Variants in LEFTY1 observed in about 807,000 individuals in gnomAD.
The protein encoded by LEFTY1 is left-right determination factor B.
In LEFTY1, 18 loss-of-function variants were observed where a neutral mutation model predicts 22.6. That is an observed-to-expected ratio of 0.80 (90% CI 0.55 to 1.18). The LOEUF (loss-of-function observed/expected upper bound fraction) is 1.18. Among genes scored for constraint, LEFTY1 ranks in the 50% most tolerant of loss-of-function variants. LEFTY1 has a pLI of 0.00. For missense variants in LEFTY1, 414 were observed against 495.4 expected (o/e 0.84, Z 1.56); for synonymous variants, 201 against 231.5 (o/e 0.87, Z 1.20).
At chr1:225,888,317 C>T (rs1671331067) in intron 1 of LEFTY1, among the ~76,000 whole-genome samples, 1 of 152,146 alleles carries the variant, frequency 6.6e-6, no homozygotes, top group South Asian at 2.1e-4. Context: ...GCTCTGGGCA[C>T]TGAGGAGCTA....
Position 225,886,620 on chromosome 1 carries a change from A to G in LEFTY1, c.*107T>C, listed in dbSNP as rs1001832197. ...GCAAATTCAGGGCTCACTAGAGAGCACAGAGCATTTGTCCATCAGCAGTTC... is the reference window on the plus strand; with the variant it reads ...GCAAATTCAGGGCTCACTAGAGAGCGCAGAGCATTTGTCCATCAGCAGTTC... On this transcript the variant is annotated 3_prime_UTR_variant, in exon 4 of 4. Coordinates refer to ENST00000272134, the MANE Select transcript of LEFTY1 (RefSeq NM_020997.4). 16 of 1,565,404 alleles carry G rather than the reference A, an allele frequency of 1.0e-5. No individual in the cohort carries two copies. The African/African-American group carries it at 2.2e-4, about 21-fold the overall frequency.
In LEFTY1 at chr1:225,888,025, G is replaced by C. The variant is rs763797447; in HGVS notation, c.258C>G (p.Ala86=). ...KRFSQSFREV[A]GRFLALEAST... ...TGGCCTCCAACGCCAGGAACCTGCCGGCCACCTCTGGGGACAAGAGCAGGG... is the reference window on the plus strand; with the variant it reads ...TGGCCTCCAACGCCAGGAACCTGCCCGCCACCTCTGGGGACAAGAGCAGGG... The change falls in exon 2 of 4, where the codon GCC becomes GCG. Residue 86 remains alanine (A), a synonymous_variant. Transcript: ENST00000272134. 6.3e-7 allele frequency: 1 copy of C among 1,591,312 alleles called. No individual in the cohort carries two copies. Among genetic ancestry groups the C allele is most frequent in the Non-Finnish European group, 8.5e-7 (1 of 1,178,534 alleles).
chr1:225,888,615 C>T (rs7514448), intron 1 of LEFTY1, among the ~76,000 whole-genome samples: 17,204 of 152,092 alleles, frequency 0.11, 1,586 homozygotes, highest in African/African-American at 0.25. Context: ...AACAGACCCC[C>T]GGAGTCCTGA....
chr1:225,888,601 C>T (rs966930036), intron 1 of LEFTY1, among the ~76,000 whole-genome samples: 8 of 152,142 alleles, frequency 5.3e-5, no homozygotes, highest in Admixed American at 2.6e-4. Flanking sequence ...AGTGGCAGTA[C>T]GAAAACAGAC....
Position 225,886,481 on chromosome 1 carries a change from A to C in LEFTY1, c.*246T>G. The C allele has an allele frequency of 1.5e-6, 1 of 655,446 alleles. No individual in the cohort carries two copies. The highest frequency in any genetic ancestry group is 2.5e-6 in the Non-Finnish European group (1 of 401,834). 40.6% of individuals were successfully genotyped at this position (655,446 alleles called of 1,614,324 possible). A position where few individuals can be genotyped will look rare whatever the true frequency, so the allele number is the denominator to read the frequency against. On this transcript the variant is annotated 3_prime_UTR_variant, in exon 4 of 4. Coordinates refer to ENST00000272134, the MANE Select transcript of LEFTY1 (RefSeq NM_020997.4). ...ACAGTATCTCCACATGTAAGTGCTT[A>C]GAATATAGTGCAGTGAATAATAAGA...
Position 225,886,574 on chromosome 1 carries a change from T to C in LEFTY1, c.*153A>G. 7.0e-7 allele frequency: 1 copy of C among 1,434,684 alleles called. No individual in the cohort carries two copies. Among genetic ancestry groups the C allele is most frequent in the Non-Finnish European group, 9.2e-7 (1 of 1,084,566 alleles). The allele number at this position is 1,434,684 out of a possible 1,614,324, so 88.9% of individuals were successfully genotyped here. A position where few individuals can be genotyped will look rare whatever the true frequency, so the allele number is the denominator to read the frequency against. On this transcript the variant is annotated 3_prime_UTR_variant, in exon 4 of 4. Coordinates refer to ENST00000272134, the MANE Select transcript of LEFTY1 (RefSeq NM_020997.4). Reference sequence around the variant, plus strand: ...TCATTCCTGAGAAGCAAAAATTAGGTGAGGTAACTTGTCAGAGGAAGCAAA... The same window carrying C: ...TCATTCCTGAGAAGCAAAAATTAGGCGAGGTAACTTGTCAGAGGAAGCAAA...
In LEFTY1 at chr1:225,887,587, G is replaced by C; in HGVS notation, c.549C>G (p.Ala183=). The C allele has an allele frequency of 1.9e-6, 3 of 1,611,554 alleles. No individual in the cohort carries two copies. Among genetic ancestry groups the C allele is most frequent in the Non-Finnish European group, 1.7e-6 (2 of 1,179,588 alleles). ...SGWKAFDVTE[A]VNFWQQLSRP... ...GGCTCAGCTGCTGCCAGAAGTTCAC[G>C]GCCTCGGTCACGTCGAAGGCCTTCC... Residue 183 remains alanine (A), a synonymous_variant, in exon 3 of 4, where the codon GCC becomes GCG. Coordinates refer to ENST00000272134, the MANE Select transcript of LEFTY1 (RefSeq NM_020997.4).
rs781547196 is a variant in LEFTY1 at position 225,886,917 on chromosome 1, A to C, written c.911T>G (p.Leu304Arg). 5.6e-6 allele frequency: 9 copies of C among 1,613,928 alleles called. No homozygotes were observed. The South Asian group carries it at 8.8e-5, about 16-fold the overall frequency. ...VGTCRQPPEA[L>R]AFKWPFLGPR... Reference sequence around the variant, plus strand: ...CCCCAGAAACGGCCACTTGAAGGCCAGGGCCTCCGGGGGCTGCCGGCAGGT... The same window carrying C: ...CCCCAGAAACGGCCACTTGAAGGCCCGGGCCTCCGGGGGCTGCCGGCAGGT... Residue 304 changes from leucine to arginine, a missense_variant, in exon 4 of 4, where the codon CTG becomes CGG. Transcript: ENST00000272134.
chr1:225,888,834 A>T lies in LEFTY1; in HGVS notation c.233T>A (p.Phe78Tyr). 2 of 1,613,256 alleles carry T rather than the reference A, an allele frequency of 1.2e-6. No homozygotes were observed. The highest frequency in any genetic ancestry group is 2.2e-5 in the South Asian group (2 of 91,066). The change falls in exon 1 of 4, where the codon TTC becomes TAC. Residue 78 changes from phenylalanine (F) to tyrosine (Y), a missense_variant. By Grantham distance (22) the Phe-to-Tyr change is conservative. Around this residue, in one of 2 missense-constraint regions of LEFTY1, gnomAD observed 398 missense variants for 454.7 expected, o/e 0.88. Transcript: ENST00000272134. Reference protein sequence around the residue: ...SHGDRSRGKRFSQSFREVAGR... With the variant: ...SHGDRSRGKRYSQSFREVAGR... The stretch of plus-strand genomic sequence containing the variant: ...GGCCTCACCTCGGAAGCTCTGGCTG[A>T]ACCTCTTTCCGCGGGAGCGGTCCCC...
intron 1 of LEFTY1, 40 bp downstream of exon 1, chr1:225,888,777 G>GC: frequency 6.2e-7 from 1 of 1,611,676 alleles, no homozygotes; most frequent in Middle Eastern, 1.8e-4. Context: ...CATCTGACCT[G>GC]CCCCATGGGA....
intron 1 of LEFTY1, 148 bp from the exon 2 acceptor site, chr1:225,888,180 C>T: frequency 7.9e-7 from 1 of 1,267,490 alleles, no homozygotes; most frequent in Non-Finnish European, 1.1e-6. Flanking sequence ...TTCCTTGGAT[C>T]TGGGCCTTGT....
chr1:225,887,534 A>G lies in LEFTY1; in HGVS notation c.602T>C (p.Val201Ala), dbSNP rs755172673. ...GCCCAGATGCTCCCTCTGCACCGACACCTGTAGCAGCAGCGGCTGCCGGGG... is the reference window on the plus strand; with the variant it reads ...GCCCAGATGCTCCCTCTGCACCGACGCCTGTAGCAGCAGCGGCTGCCGGGG... ...SRPRQPLLLQ[V>A]SVQREHLGPL... The change falls in exon 3 of 4, where the codon GTG becomes GCG. Residue 201 changes from valine (V) to alanine (A), a missense_variant. Val to Ala is a moderately conservative substitution (Grantham distance 64). Transcript: ENST00000272134. 2 of 1,611,574 alleles carry G rather than the reference A, an allele frequency of 1.2e-6. No homozygotes were observed. The highest frequency in any genetic ancestry group is 1.7e-6 in the Non-Finnish European group (2 of 1,179,478).
chr1:225,887,435 T>C lies in LEFTY1; in HGVS notation c.701A>G (p.Gln234Arg). ...AAGGTCCAGGGTGTGCAGCTCCAGC[T>C]GGGGCTCCCCAAGCCCGGCTGGCGC... is the stretch of plus-strand genomic sequence containing the variant. ...QGAPAGLGEP[Q>R]LELHTLDLGD... The change falls in exon 3 of 4, where the codon CAG (glutamine) becomes CGG (arginine). Residue 234 changes from glutamine (Q) to arginine (R), a missense_variant. Transcript: ENST00000272134. 6.2e-7 allele frequency: 1 copy of C among 1,613,498 alleles called. No individual in the cohort carries two copies. The highest frequency in any genetic ancestry group is 8.5e-7 in the Non-Finnish European group (1 of 1,179,884).
rs751952808 is a variant in LEFTY1 at position 225,888,970 on chromosome 1, G to A, written c.97C>T (p.Arg33Trp). The A allele has an allele frequency of 4.4e-6, 7 of 1,599,420 alleles. No individual in the cohort carries two copies. The highest frequency in any genetic ancestry group is 2.2e-5 in the East Asian group (1 of 44,478). The change falls in exon 1 of 4, where the codon CGG becomes TGG. Residue 33 changes from arginine to tryptophan, a missense_variant. Coordinates refer to ENST00000272134, the MANE Select transcript of LEFTY1 (RefSeq NM_020997.4). ...TGEQLLGSLL[R>W]QLQLKEVPTL... is the part of the protein sequence containing the mutation. Reference sequence around the variant, plus strand: ...GGCACCTCTTTGAGCTGCAGCTGCCGCAGCAGGCTGCCCAGGAGCTGCTCC... The same window carrying A: ...GGCACCTCTTTGAGCTGCAGCTGCCACAGCAGGCTGCCCAGGAGCTGCTCC...
chr1:225,886,865 A>G lies in LEFTY1; in HGVS notation c.963T>C (p.Thr321=). 6.2e-7 allele frequency: 1 copy of G among 1,613,944 alleles called. No homozygotes were observed. The highest frequency in any genetic ancestry group is 1.1e-5 in the South Asian group (1 of 91,086). Residue 321 remains threonine (T), a synonymous_variant, in exon 4 of 4, where the codon ACT becomes ACC. Coordinates refer to ENST00000272134, the MANE Select transcript of LEFTY1 (RefSeq NM_020997.4). ...TGCTGACGATCATGGGCAGCGAGTC[A>G]GTCTCCGAGGCGATGCACTGTCGAG... ...LGPRQCIASE[T]DSLPMIVSIK...
Position 225,888,868 on chromosome 1 carries a change from G to A in LEFTY1, c.199C>T (p.Arg67Cys), listed in dbSNP as rs765998759. The change falls in exon 1 of 4, where the codon CGC becomes TGC. Residue 67 changes from arginine to cysteine, a missense_variant. Around this residue, in one of 2 missense-constraint regions of LEFTY1, gnomAD observed 398 missense variants for 454.7 expected, o/e 0.88. Transcript: ENST00000272134. ...CCGCGGGAGCGGTCCCCGTGGCTGC[G>A]CTGCAGCAGGGCCACGTACTGGGCC... ...VRAQYVALLQRSHGDRSRGKR... is the reference protein window; with the variant it reads ...VRAQYVALLQCSHGDRSRGKR... The A allele has an allele frequency of 1.9e-6, 3 of 1,613,288 alleles. No homozygotes were observed. The highest frequency in any genetic ancestry group is 2.2e-5 in the East Asian group (1 of 44,868).
Position 225,889,048 on chromosome 1 carries a change from A to T in LEFTY1, c.19T>A (p.Cys7Ser). ...AGGGGCAACACCCAGAGTGCCCAGC[A>T]GAGCCACAGGGGCTGCATGGTGCTG... MQPLWL[C>S]WALWVLPLAS... Residue 7 changes from cysteine to serine, a missense_variant, in exon 1 of 4, where the codon TGC becomes AGC. By Grantham distance (112) the Cys-to-Ser change is moderately radical. Transcript: ENST00000272134. The T allele has an allele frequency of 6.7e-7, 1 of 1,483,568 alleles. No homozygotes were observed. Among genetic ancestry groups the T allele is most frequent in the Non-Finnish European group, 8.9e-7 (1 of 1,119,332 alleles). The allele number at this position is 1,483,568 out of a possible 1,614,324, so 91.9% of individuals were successfully genotyped here.
Position 225,887,810 on chromosome 1 carries a change from T to C in LEFTY1, c.473A>G (p.Asn158Ser), listed in dbSNP as rs1218647301. Reference protein sequence around the residue: ...EWLRVRDDGSNRTSLIDSRLV... With the variant: ...EWLRVRDDGSSRTSLIDSRLV... ...CCTGGAGTCGATGAGGGAGGTGCGG[T>C]TGGAGCCGTCGTCGCGGACGCGCAG... The change falls in exon 2 of 4, where the codon AAC (asparagine) becomes AGC (serine). Residue 158 changes from asparagine (N) to serine (S), a missense_variant. Coordinates refer to ENST00000272134, the MANE Select transcript of LEFTY1 (RefSeq NM_020997.4). 6 of 1,538,990 alleles carry C rather than the reference T, an allele frequency of 3.9e-6. No homozygotes were observed. Among genetic ancestry groups the C allele is most frequent in the African/African-American group, 1.4e-5 (1 of 72,450 alleles).
chr1:225,886,987 A>T lies in LEFTY1; in HGVS notation c.841T>A (p.Trp281Arg), dbSNP rs1438478548. 6.2e-7 allele frequency: 1 copy of T among 1,610,514 alleles called. No homozygotes were observed. ...AGGAAGCCCGGGGGCTCCAGCACCC[A>T]GTTCTCGGCCCACTTCATCCCCTGC... ...DLQGMKWAEN[W>R]VLEPPGFLAY... is the part of the protein sequence containing the mutation. Residue 281 changes from tryptophan (W) to arginine (R), a missense_variant, in exon 4 of 4, where the codon TGG becomes AGG. Trp to Arg is a moderately radical substitution (Grantham distance 101, BLOSUM62 -3). Coordinates refer to ENST00000272134, the MANE Select transcript of LEFTY1 (RefSeq NM_020997.4).
Sources: gnomAD v4.1 joint callset for allele counts (sites outside exome capture counted in the v4.1 genomes callset) on GRCh38, gnomAD v4.1.1 for gene constraint, gnomAD v4.1.1 regional missense constraint, MANE v1.5 for transcripts, NCBI Gene and HGNC (gene_info 2026-07-23, HGNC 2026-07-21) for gene names.